KIF2C: variants seen among roughly 807,000 people sequenced by gnomAD.
KIF2C encodes kinesin family member 2C, also known as kinesin-like protein KIF2C.
A neutral mutation model predicts 97.4 loss-of-function variants in KIF2C; 34 were observed. The observed-to-expected ratio is 0.35, with a 90% CI of 0.27 to 0.46. KIF2C has a LOEUF of 0.46. Among genes scored for constraint, KIF2C ranks in the 20% least tolerant of loss-of-function variants. The probability of loss-of-function intolerance (pLI) is 1.00; values close to 1 mark genes in which losing one functional copy is unlikely to be tolerated. For missense variants in KIF2C, 750 were observed against 907.6 expected (o/e 0.83, Z 2.23); for synonymous variants, 313 against 318.2 (o/e 0.98, Z 0.17).
intron 8 of KIF2C, among the ~76,000 whole-genome samples, chr1:44,755,384 G>A (rs1649769979): frequency 1.3e-5 from 2 of 152,230 alleles, no homozygotes; most frequent in South Asian, 2.1e-4. Flanking sequence ...TCCTGCCTCA[G>A]CCTCCCCAGT....
rs540004313 is a variant in KIF2C, at chr1:44,761,371, C to T, written c.1684-545C>T. 7.8e-4 allele frequency among the ~76,000 whole-genome samples: 118 copies of T among 151,964 alleles called. 1 individual carries two copies. The South Asian group carries it at 0.022, about 29-fold the overall frequency. On this transcript the variant is annotated intron_variant, in intron 16 of 20. Coordinates refer to ENST00000372224, the MANE Select transcript of KIF2C (RefSeq NM_006845.4). ...CTGTAATCCCAGCACTTTGGGAGGCCGAGAGGCAGGTGGATCACAAGGTCA... is the reference window on the plus strand; with the variant it reads ...CTGTAATCCCAGCACTTTGGGAGGCTGAGAGGCAGGTGGATCACAAGGTCA...
chr1:44,750,328 G>A, intron 4 of KIF2C, 114 bp from the exon 5 acceptor site: 2 of 1,147,994 alleles, frequency 1.7e-6, no homozygotes, highest in Non-Finnish European at 2.3e-6. Flanking sequence ...AAGTTGGCGA[G>A]CCCCTTTCCT....
At chr1:44,762,162 G>C (rs1395251890) in intron 17 of KIF2C, 179 bp downstream of exon 17, 2 of 837,066 alleles carry the variant, frequency 2.4e-6, no homozygotes, top group Non-Finnish European at 4.1e-6. Flanking sequence ...TCCGGGCCCT[G>C]CTGGAGAGTC....
At chr1:44,761,414 T>A (rs1480529888) in intron 16 of KIF2C, among the ~76,000 whole-genome samples, 1 of 152,098 alleles carries the variant, frequency 6.6e-6, no homozygotes, top group Non-Finnish European at 1.5e-5. Context: ...GAGACCATCC[T>A]GGCTAACATG....
intron 10 of KIF2C, among the ~76,000 whole-genome samples, chr1:44,757,153 G>A (rs1300705122): frequency 1.3e-5 from 2 of 152,126 alleles, no homozygotes; most frequent in African/African-American, 2.4e-5. Flanking sequence ...CTGAGTTCAG[G>A]TGATCCACAC....
chr1:44,759,164 GGTGCCCA>G, intron 13 of KIF2C, 35 bp from the exon 14 acceptor site: 1 of 1,611,456 alleles, frequency 6.2e-7, no homozygotes, highest in Non-Finnish European at 8.5e-7. Flanking sequence ...TGGGGTGCCG[GGTGCCCA>G]GTGGCCTTAG....
At chr1:44,740,241 G>A (rs565874143) in intron 1 of KIF2C, among the ~76,000 whole-genome samples, 1 of 152,284 alleles carries the variant, frequency 6.6e-6, no homozygotes, top group Admixed American at 6.5e-5. Flanking sequence ...CTTCTCCAAG[G>A]CTGGTAGACC....
In KIF2C at chr1:44,760,467, A is replaced by G; in HGVS notation, c.1555A>G (p.Ser519Gly). 6.2e-7 allele frequency: 1 copy of G among 1,614,074 alleles called. No individual in the cohort carries two copies. Among genetic ancestry groups the G allele is most frequent in the Non-Finnish European group, 8.5e-7 (1 of 1,179,998 alleles). The change falls in exon 15 of 21, where the codon AGT becomes GGT. Residue 519 changes from serine (S) to glycine (G), a missense_variant. Physicochemically the swap from Ser to Gly is moderately conservative, Grantham distance 56. Coordinates refer to ENST00000372224, the MANE Select transcript of KIF2C (RefSeq NM_006845.4). This position sits in a 1 kb window ranked among gnomAD's most constrained non-coding sequence, Gnocchi z 4.2. ...CATGGAGGGCGCAGAAATCAACAAGAGTCTCTTAGCCCTGAAGGTAGTGGG... is the reference window on the plus strand; with the variant it reads ...CATGGAGGGCGCAGAAATCAACAAGGGTCTCTTAGCCCTGAAGGTAGTGGG... Reference protein sequence around the residue: ...TRMEGAEINKSLLALKECIRA... With the variant: ...TRMEGAEINKGLLALKECIRA...
intron 5 of KIF2C, 37 bp from the exon 6 acceptor site, chr1:44,753,095 C>T (rs375429550): frequency 8.5e-5 from 136 of 1,591,750 alleles, no homozygotes; most frequent in Non-Finnish European, 1.1e-4. Context: ...CTGTGGTATA[C>T]TTGCCTGCTT....
chr1:44,753,276 CTGT>C, intron 6 of KIF2C, 22 bp downstream of exon 6: 1 of 1,600,526 alleles, frequency 6.2e-7, no homozygotes, highest in Non-Finnish European at 8.5e-7. Context: ...GAGCTGTCTG[CTGT>C]TCTGCTTCTA....
rs1008879078 is a variant in KIF2C, at chr1:44,739,857, G to A, written c.-76G>A. The A allele has an allele frequency of 2.6e-4, 346 of 1,330,818 alleles. 1 individual carries two copies. The highest frequency in any genetic ancestry group is 7.2e-4 in the Middle Eastern group (4 of 5,558). The allele number at this position is 1,330,818 out of a possible 1,614,324, so 82.4% of individuals were successfully genotyped here. ...GATTTAAACTGCGGCGGTTTACGCG[G>A]CGTTAAGACTTCGTAGGGTTAGCGA... On this transcript the variant is annotated 5_prime_UTR_variant, in exon 1 of 21. Coordinates refer to ENST00000372224, the MANE Select transcript of KIF2C (RefSeq NM_006845.4).
At position 44,763,227 on chromosome 1, in the gene KIF2C, G is replaced by A. The variant is rs74070597; in HGVS notation, c.1971+569G>A. Among the ~76,000 whole-genome samples, 714 of 152,294 alleles carry A rather than the reference G, an allele frequency of 4.7e-3. 4 individuals carry two copies. Among genetic ancestry groups the A allele is most frequent in the African/African-American group, 0.015 (638 of 41,556 alleles). On this transcript the variant is annotated intron_variant, in intron 19 of 20. Coordinates refer to ENST00000372224, the MANE Select transcript of KIF2C (RefSeq NM_006845.4). ...AGTGTGTGGTCAGGGTTCAGTAACT[G>A]GTAGGTGCCCCTGCTACTGTAATCC...
At chr1:44,757,773 C>A in intron 11 of KIF2C, 127 bp downstream of exon 11, 1 of 1,118,876 alleles carries the variant, frequency 8.9e-7, no homozygotes, top group Non-Finnish European at 1.4e-6. Context: ...GATAGCCTTG[C>A]CATGTCAGAT....
chr1:44,744,078 GTTT>G (rs745353039), intron 2 of KIF2C, among the ~76,000 whole-genome samples: 1 of 127,110 alleles, frequency 7.9e-6, no homozygotes, highest in Admixed American at 8.1e-5. Context: ...TCAAGCTCTG[GTTT>G]TTTTTTTTGT....
intron 2 of KIF2C, chr1:44,746,484 C>T (rs780104136): frequency 8.0e-7 from 1 of 1,247,202 alleles, no homozygotes; most frequent in African/African-American, 1.6e-5. Context: ...CTGTCAGGAA[C>T]TTGCCCCTGC....
intron 13 of KIF2C, 42 bp downstream of exon 13, chr1:44,758,182 GC>G (rs1649944078): frequency 6.4e-7 from 1 of 1,572,740 alleles, no homozygotes; most frequent in Non-Finnish European, 8.7e-7. Context: ...TTGGGGCCCA[GC>G]ACTTTTTAAA....
intron 14 of KIF2C, among the ~76,000 whole-genome samples, chr1:44,759,696 T>C (rs1249938587): frequency 6.6e-6 from 1 of 152,048 alleles, no homozygotes; most frequent in East Asian, 1.9e-4. Flanking sequence ...CTCAAAAAAA[T>C]AAAAATAAAA....
chr1:44,753,040 C>A, intron 5 of KIF2C, 92 bp from the exon 6 acceptor site: 1 of 1,472,838 alleles, frequency 6.8e-7, no homozygotes, highest in South Asian at 1.3e-5. Context: ...GCAGGCAGGT[C>A]GCTCTCCCGG....
At chr1:44,762,680 G>T in intron 19 of KIF2C, 22 bp downstream of exon 19, 1 of 1,538,582 alleles carries the variant, frequency 6.5e-7, no homozygotes, top group South Asian at 1.1e-5. Context: ...GCCCTGGACA[G>T]GGAGCTGGAT....
Sources: allele counts gnomAD v4.1 joint callset (sites outside exome capture counted in the v4.1 genomes callset), GRCh38; gene constraint gnomAD v4.1.1; non-coding constraint Gnocchi (gnomAD v3.1); transcripts MANE v1.5; gene names NCBI Gene and HGNC (gene_info 2026-07-23, HGNC 2026-07-21).